The following ZNG1B variants were observed in gnomAD, a reference collection of about 807,000 sequenced individuals.
ZNG1B encodes zinc-regulated GTPase metalloprotein activator 1B.
chr2:113,476,548 CGGAGGAGGAGAGGCGCTGCGTTCCTTT>C, the ZNG1B span, among the ~76,000 whole-genome samples: 159 of 143,420 alleles, frequency 1.1e-3, no homozygotes, highest in African/African-American at 3.3e-3. Flanking sequence ...TGCGTTCCTT[CGGAGGAGGAGAGGCGCTGCGTTCCTTT>C]GGAGGAGGAG....
the ZNG1B span, among the ~76,000 whole-genome samples, chr2:113,463,658 C>T: frequency 6.6e-6 from 1 of 152,038 alleles, no homozygotes; most frequent in Non-Finnish European, 1.5e-5. Context: ...TGGTCTGTTT[C>T]TCATTGTCTT....
chr2:113,490,597 CAAGAA>C, the ZNG1B span, among the ~76,000 whole-genome samples: 1 of 151,894 alleles, frequency 6.6e-6, no homozygotes, highest in African/African-American at 2.4e-5. Flanking sequence ...CAAGATCAGC[CAAGAA>C]AAGAGAGAAA....
the ZNG1B span, among the ~76,000 whole-genome samples, chr2:113,447,263 C>T: frequency 1.2e-5 from 1 of 80,326 alleles, no homozygotes; most frequent in Non-Finnish European, 2.5e-5. Flanking sequence ...GCCTGGATGA[C>T]AGCATGAGAC....
chr2:113,483,784 A>G, the ZNG1B span, among the ~76,000 whole-genome samples: 1 of 152,180 alleles, frequency 6.6e-6, no homozygotes, highest in South Asian at 2.1e-4. Flanking sequence ...GCGTAAGAGT[A>G]GAATGGCATA....
the ZNG1B span, chr2:113,437,726 A>G: frequency 6.6e-7 from 1 of 1,525,800 alleles, no homozygotes; most frequent in South Asian, 1.2e-5. Context: ...AGCCCAGGTA[A>G]TCCGGGCGGG....
the ZNG1B span, among the ~76,000 whole-genome samples, chr2:113,477,129 T>G: frequency 2.6e-5 from 4 of 152,220 alleles, no homozygotes; most frequent in African/African-American, 9.6e-5. Flanking sequence ...CGCTGCCGCC[T>G]TGTAGTTTGA....
the ZNG1B span, chr2:113,495,930 A>G: frequency 4.5e-6 from 3 of 659,714 alleles, 1 homozygote; most frequent in Non-Finnish European, 6.7e-6. Context: ...ACAGTTATAT[A>G]TAATATCCTT....
At chr2:113,459,789 T>C in the ZNG1B span, among the ~76,000 whole-genome samples, 1 of 147,440 alleles carries the variant, frequency 6.8e-6, no homozygotes, top group Non-Finnish European at 1.5e-5. Flanking sequence ...CAGCTTTTTA[T>C]TGTGACAGGG....
chr2:113,475,305 T>C, the ZNG1B span, among the ~76,000 whole-genome samples: 4 of 152,074 alleles, frequency 2.6e-5, no homozygotes, highest in African/African-American at 9.7e-5. Flanking sequence ...GAGACTAGGA[T>C]TGCAACCCCT....
the ZNG1B span, among the ~76,000 whole-genome samples, chr2:113,487,126 G>A: frequency 1.8e-4 from 28 of 152,296 alleles, no homozygotes; most frequent in East Asian, 5.0e-3. Flanking sequence ...ATAAGATTAC[G>A]ATGGAGCTGA....
chr2:113,452,078 A>C, the ZNG1B span, among the ~76,000 whole-genome samples: 2 of 152,226 alleles, frequency 1.3e-5, no homozygotes, highest in Non-Finnish European at 2.9e-5. Flanking sequence ...GTTCTAAGTT[A>C]AATAATTGTC....
chr2:113,464,860 C>T, the ZNG1B span, among the ~76,000 whole-genome samples: 325 of 152,134 alleles, frequency 2.1e-3, no homozygotes, highest in Non-Finnish European at 4.0e-3. Flanking sequence ...TTATTAACCA[C>T]AAAGTAGCCC....
chr2:113,474,575 G>A, the ZNG1B span, among the ~76,000 whole-genome samples: 15 of 145,606 alleles, frequency 1.0e-4, no homozygotes, highest in African/African-American at 3.9e-4. Context: ...TTTTAATTGT[G>A]ATGTTAGGTT....
chr2:113,445,415 G>C, the ZNG1B span: 11 of 215,094 alleles, frequency 5.1e-5, no homozygotes, highest in African/African-American at 2.6e-4. Flanking sequence ...CGGAACCTCT[G>C]AGGATACCAA....
At chr2:113,473,094 G>A in the ZNG1B span, among the ~76,000 whole-genome samples, 11 of 149,190 alleles carry the variant, frequency 7.4e-5, no homozygotes, top group African/African-American at 2.5e-4. Context: ...CCATTTTCAC[G>A]ATATTGATTC....
At chr2:113,469,144 A>G in the ZNG1B span, 4 of 151,790 alleles carry the variant, frequency 2.6e-5, no homozygotes, top group East Asian at 7.7e-4. Context: ...TTTTATTTTT[A>G]TTTATTTTTA....
the ZNG1B span, among the ~76,000 whole-genome samples, chr2:113,473,126 T>C: frequency 6.6e-6 from 1 of 150,624 alleles, no homozygotes; most frequent in Non-Finnish European, 1.5e-5. Context: ...GAGCATGGAA[T>C]GTTCTTCCAT....
chr2:113,446,927 CA>C, the ZNG1B span, among the ~76,000 whole-genome samples: 1 of 151,540 alleles, frequency 6.6e-6, no homozygotes, highest in African/African-American at 2.4e-5. Context: ...GTTAGAAAGG[CA>C]AATTCTTGAC....
At chr2:113,469,973 T>C in the ZNG1B span, 2 of 150,060 alleles carry the variant, frequency 1.3e-5, no homozygotes, top group South Asian at 2.1e-4. Flanking sequence ...TTATGAGAAA[T>C]CACTGTCCTC....
Sources: allele counts gnomAD v4.1 joint callset (sites outside exome capture counted in the v4.1 genomes callset), GRCh38; gene constraint gnomAD v4.1.1; transcripts MANE v1.5; gene names NCBI Gene and HGNC (gene_info 2026-07-23, HGNC 2026-07-21).